MAL2: variants seen among roughly 807,000 people sequenced by gnomAD.
The protein encoded by MAL2 is mal, T cell differentiation protein 2, also known as protein MAL2.
A neutral mutation model predicts 18.1 loss-of-function variants in MAL2; 17 were observed. The observed-to-expected ratio is 0.94, with a 90% CI of 0.64 to 1.41. MAL2 has a LOEUF of 1.41. MAL2 is among the 40% of genes most tolerant of loss of function. The probability of loss-of-function intolerance (pLI) is 0.00; values close to 1 mark genes in which losing one functional copy is unlikely to be tolerated. For missense variants in MAL2, 222 were observed against 231.9 expected, an observed-to-expected ratio of 0.96 and a Z score of 0.28; for synonymous variants, 102 against 102.3, an observed-to-expected ratio of 1.00 and a Z score of 0.02.
chr8:119,229,648 T>TGCATCATCACTCAGCTCTACCCA (rs1336386804), intron 2 of MAL2, among the ~76,000 whole-genome samples: 3 of 152,152 alleles, frequency 2.0e-5, no homozygotes, highest in African/African-American at 7.2e-5. Flanking sequence ...GTGTGTAACA[T>TGCATCATCACTCAGCTCTACCCA]GCATCATCAC....
chr8:119,243,299 A>T, intron 3 of MAL2, 118 bp from the exon 4 acceptor site: 1 of 575,338 alleles, frequency 1.7e-6, no homozygotes, highest in Non-Finnish European at 2.8e-6. Flanking sequence ...ATATTTTTGT[A>T]AGTGTCGAAG....
At chr8:119,211,464 C>T (rs1292339971) in intron 1 of MAL2, among the ~76,000 whole-genome samples, 3 of 152,162 alleles carry the variant, frequency 2.0e-5, no homozygotes, top group East Asian at 1.9e-4. Context: ...CAGTTGACTA[C>T]GCTATTGACA....
chr8:119,214,653 A>AT (rs1817319000), intron 1 of MAL2, among the ~76,000 whole-genome samples: 1 of 152,222 alleles, frequency 6.6e-6, no homozygotes, highest in African/African-American at 2.4e-5. Flanking sequence ...TGAGCTTTCC[A>AT]TTTTAGGGTC....
At chr8:119,233,614 A>G (rs1817790037) in intron 2 of MAL2, among the ~76,000 whole-genome samples, 6 of 152,316 alleles carry the variant, frequency 3.9e-5, no homozygotes, top group Admixed American at 3.3e-4. Flanking sequence ...CACCCTCCCA[A>G]GACTAAACCA....
At chr8:119,241,036 T>C (rs190546493) in intron 3 of MAL2, among the ~76,000 whole-genome samples, 1 of 152,330 alleles carries the variant, frequency 6.6e-6, no homozygotes, top group Admixed American at 6.5e-5. Flanking sequence ...ATATTTAATA[T>C]AAGTATATGG....
intron 1 of MAL2, among the ~76,000 whole-genome samples, chr8:119,214,730 T>A (rs1321220461): frequency 6.6e-6 from 1 of 152,206 alleles, no homozygotes; most frequent in Admixed American, 6.5e-5. Flanking sequence ...AGTATAACTC[T>A]CTATAGCACT....
Position 119,221,725 on chromosome 8 carries a change from G to A in MAL2, c.271G>A (p.Val91Met), listed in dbSNP as rs1223974335. The change falls in exon 2 of 4, where the codon GTG becomes ATG. Residue 91 changes from valine (V) to methionine (M), a missense_variant. Val to Met is a conservative substitution (Grantham distance 21). Coordinates refer to ENST00000614891, the MANE Select transcript of MAL2 (RefSeq NM_052886.3). ...LFLGMFLSGM[V>M]AQIDANWNFL... ...TCTGGGCATGTTCCTCTCTGGCATGGTGGCTCAAATTGATGCTAACTGGAA... is the reference window on the plus strand; with the variant it reads ...TCTGGGCATGTTCCTCTCTGGCATGATGGCTCAAATTGATGCTAACTGGAA... 1.2e-6 allele frequency: 2 copies of A among 1,613,844 alleles called. No homozygotes were observed. The highest frequency in any genetic ancestry group is 2.2e-5 in the South Asian group (2 of 91,076).
chr8:119,224,944 A>G (rs1449289582), intron 2 of MAL2, among the ~76,000 whole-genome samples: 1 of 152,154 alleles, frequency 6.6e-6, no homozygotes, highest in African/African-American at 2.4e-5. Flanking sequence ...TTTATGGGTG[A>G]TAAGTATTCT....
chr8:119,236,645 A>G (rs1006412346), intron 2 of MAL2, among the ~76,000 whole-genome samples: 3 of 151,660 alleles, frequency 2.0e-5, no homozygotes, highest in African/African-American at 7.3e-5. Context: ...ATCTCACTCA[A>G]AACCGCTCAA....
At chr8:119,219,726 A>G (rs1296802409) in intron 1 of MAL2, among the ~76,000 whole-genome samples, 1 of 152,164 alleles carries the variant, frequency 6.6e-6, no homozygotes, top group Non-Finnish European at 1.5e-5. Context: ...ATGCAGAGAC[A>G]TATAAAGCAG....
At chr8:119,209,945 G>A (rs188800396) in intron 1 of MAL2, among the ~76,000 whole-genome samples, 21 of 152,226 alleles carry the variant, frequency 1.4e-4, no homozygotes, top group Non-Finnish European at 2.6e-4. Context: ...CTTGCTGTGG[G>A]AGGGAGACAC....
intron 2 of MAL2, among the ~76,000 whole-genome samples, chr8:119,236,413 G>T (rs971800408): frequency 5.3e-5 from 8 of 151,584 alleles, no homozygotes; most frequent in African/African-American, 2.0e-4. Flanking sequence ...AGGATACCCA[G>T]GAATTGAACT....
intron 1 of MAL2, among the ~76,000 whole-genome samples, chr8:119,218,652 C>A (rs1055913009): frequency 2.6e-5 from 4 of 151,982 alleles, no homozygotes; most frequent in African/African-American, 7.2e-5. Context: ...CTTGAGTGTT[C>A]TTCTATAGTA....
At chr8:119,234,021 T>A (rs954515696) in intron 2 of MAL2, among the ~76,000 whole-genome samples, 3 of 152,030 alleles carry the variant, frequency 2.0e-5, no homozygotes, top group African/African-American at 7.3e-5. Flanking sequence ...AGAAGACGGA[T>A]GATTTCTGCA....
chr8:119,243,371 G>A (rs1308694781), intron 3 of MAL2, 46 bp from the exon 4 acceptor site: 2 of 1,460,800 alleles, frequency 1.4e-6, no homozygotes, highest in East Asian at 5.0e-5. Flanking sequence ...CTGTTTATAA[G>A]TCGGTGTTGT....
chr8:119,219,579 G>GCTC (rs1817430262), intron 1 of MAL2, among the ~76,000 whole-genome samples: 1 of 152,022 alleles, frequency 6.6e-6, no homozygotes, highest in South Asian at 2.1e-4. Flanking sequence ...GAGAGAGAGA[G>GCTC]AGAGAGATTG....
chr8:119,221,676 A>G lies in MAL2; in HGVS notation c.222A>G (p.Thr74=). The G allele has an allele frequency of 1.2e-6, 2 of 1,613,918 alleles. No homozygotes were observed. The highest frequency in any genetic ancestry group is 1.7e-6 in the Non-Finnish European group (2 of 1,179,840). ...GATGGGTCATGTTTGTGTCCGTGAC[A>G]GCGTTTTTCTTTTCGCTCCTCTTTC... is the stretch of plus-strand genomic sequence containing the variant. ...LQGWVMFVSV[T]AFFFSLLFLG... is the part of the protein sequence containing the mutation. The change falls in exon 2 of 4, where the codon ACA becomes ACG. Residue 74 remains threonine, a synonymous_variant. Transcript: ENST00000614891.
chr8:119,234,635 A>C (rs987011559), intron 2 of MAL2, among the ~76,000 whole-genome samples: 2 of 151,888 alleles, frequency 1.3e-5, no homozygotes, highest in Non-Finnish European at 2.9e-5. Flanking sequence ...CTGCCTCCTC[A>C]AGTGGGTCCC....
chr8:119,234,736 G>A (rs1185975380), intron 2 of MAL2, among the ~76,000 whole-genome samples: 1 of 151,700 alleles, frequency 6.6e-6, no homozygotes, highest in East Asian at 1.9e-4. Flanking sequence ...CAACAGACCT[G>A]CAGCTGAGGG....
Sources: gnomAD v4.1 joint callset for allele counts (sites outside exome capture counted in the v4.1 genomes callset) on GRCh38, gnomAD v4.1.1 for gene constraint, MANE v1.5 for transcripts, NCBI Gene and HGNC (gene_info 2026-07-23, HGNC 2026-07-21) for gene names.